The following MFAP1 variants were observed in gnomAD, a reference collection of about 807,000 sequenced individuals.
MFAP1 encodes microfibril associated protein 1.
Under a neutral mutation model 62.2 loss-of-function variants are expected in MFAP1, and 18 were observed. The ratio of observed to expected loss-of-function variants is 0.29; its 90% CI spans 0.20 to 0.43. The LOEUF is 0.43. Among genes scored for constraint, MFAP1 ranks in the 20% least tolerant of loss-of-function variants. The pLI, the probability that MFAP1 is intolerant of heterozygous loss-of-function variation, is 1.00. For missense variants in MFAP1, 355 were observed against 559.7 expected (o/e 0.63, Z 3.69); for synonymous variants, 175 against 180.4 (o/e 0.97, Z 0.24).
chr15:43,820,136 G>A lies in MFAP1; in HGVS notation c.80-2688C>T, dbSNP rs1468247042. Among the ~76,000 whole-genome samples the A allele has an allele frequency of 2.0e-5, 3 of 152,044 alleles. No individual in the cohort carries two copies. In the South Asian group the frequency reaches 6.2e-4, roughly 32 times the overall value. On this transcript the variant is annotated intron_variant, in intron 1 of 8. Coordinates refer to ENST00000267812, the MANE Select transcript of MFAP1 (RefSeq NM_005926.3). ...CACTCCAGCTTGGGCAAGAGAGCGA[G>A]ACTCCGTCTCAAAAAAACAAAAAAC... is the stretch of plus-strand genomic sequence containing the variant.
At position 43,811,415 on chromosome 15, in the gene MFAP1, C is replaced by CAA. The variant is rs573152892; in HGVS notation, c.888-1503_888-1502dup. Among the ~76,000 whole-genome samples the CAA allele has an allele frequency of 3.8e-3, 278 of 73,710 alleles. 1 individual carries two copies. Among genetic ancestry groups the CAA allele is most frequent in the Middle Eastern group, 0.016 (2 of 128 alleles). 48.4% of individuals were successfully genotyped at this position (73,710 alleles called of 152,430 possible). A position where few individuals can be genotyped will look rare whatever the true frequency, so the allele number is the denominator to read the frequency against. On this transcript the variant is annotated intron_variant, in intron 6 of 8. Transcript: ENST00000267812. ...TGGGCGACAGAGTGAGACTGTGTCT[C>CAA]AAAAAAAAAAAAAAAACCAAAAACA...
rs377106172 is a variant in MFAP1, at chr15:43,812,987, G to A, written c.887C>T (p.Ala296Val). 2.9e-5 allele frequency: 47 copies of A among 1,613,630 alleles called. No homozygotes were observed. The highest frequency in any genetic ancestry group is 6.7e-5 in the East Asian group (3 of 44,888). The change falls in exon 6 of 9, where the codon GCG becomes GTG. Residue 296 changes from alanine to valine, a missense_variant and splice_region_variant. Ala to Val is a moderately conservative substitution (Grantham distance 64, BLOSUM62 0). Coordinates refer to ENST00000267812, the MANE Select transcript of MFAP1 (RefSeq NM_005926.3). ...ACTCTAGGCTCATCTTTTTACTCAC[G>A]CTTCTCGATCTTCTCTGTCCCTCTT... is the stretch of plus-strand genomic sequence containing the variant. ...RIKRDREDREALEKEKAEIER... is the reference protein window; with the variant it reads ...RIKRDREDREVLEKEKAEIER...
At position 43,806,802 on chromosome 15, in the gene MFAP1, G is replaced by A. The variant is rs575620112; in HGVS notation, c.1048-1337C>T. On this transcript the variant is annotated intron_variant, in intron 7 of 8. Coordinates refer to ENST00000267812, the MANE Select transcript of MFAP1 (RefSeq NM_005926.3). The stretch of plus-strand genomic sequence containing the variant: ...CAGGAGAATCACTTGAACTCAGGAG[G>A]TGGAGGTTGCAGTGAGCTGAGATCG... Among the ~76,000 whole-genome samples the A allele has an allele frequency of 6.6e-5, 10 of 152,302 alleles. No individual in the cohort carries two copies. The South Asian group carries it at 2.1e-3, about 32-fold the overall frequency.
chr15:43,813,281 T>G lies in MFAP1; in HGVS notation c.694A>C (p.Met232Leu). ...QKELEQEAKR[M>L]AEERRKYTLK... is the part of the protein sequence containing the mutation. Reference sequence around the variant, plus strand: ...GTGTACTTGCGCCTTTCCTCAGCCATGCGTTTTGCTTCCTGCTCCAGCTCC... The same window carrying G: ...GTGTACTTGCGCCTTTCCTCAGCCAGGCGTTTTGCTTCCTGCTCCAGCTCC... Residue 232 changes from methionine (M) to leucine (L), a missense_variant, in exon 5 of 9, where the codon ATG (methionine) becomes CTG (leucine). Coordinates refer to ENST00000267812, the MANE Select transcript of MFAP1 (RefSeq NM_005926.3). 1.2e-6 allele frequency: 2 copies of G among 1,613,256 alleles called. No homozygotes were observed. The highest frequency in any genetic ancestry group is 1.7e-6 in the Non-Finnish European group (2 of 1,179,826).
intron 1 of MFAP1, among the ~76,000 whole-genome samples, chr15:43,823,377 C>G (rs924665339): frequency 1.3e-5 from 2 of 149,534 alleles, no homozygotes; most frequent in Non-Finnish European, 3.0e-5. Context: ...AATTGCAGAA[C>G]TTTCTTTTTT....
intron 6 of MFAP1, among the ~76,000 whole-genome samples, chr15:43,812,357 T>C (rs902916019): frequency 1.3e-5 from 2 of 152,208 alleles, no homozygotes; most frequent in Admixed American, 1.3e-4. Flanking sequence ...GTTGGCCTTG[T>C]GACTTGCTTT....
intron 7 of MFAP1, among the ~76,000 whole-genome samples, chr15:43,806,901 T>C (rs2087369643): frequency 6.6e-6 from 1 of 151,826 alleles, no homozygotes; most frequent in South Asian, 2.1e-4. Context: ...AATAAATGAA[T>C]ACAACTCCTC....
chr15:43,815,911 G>C (rs1474670659), intron 2 of MFAP1, among the ~76,000 whole-genome samples: 1 of 152,204 alleles, frequency 6.6e-6, no homozygotes, highest in Non-Finnish European at 1.5e-5. Flanking sequence ...TGGGATTACA[G>C]GCATGAGTCA....
At chr15:43,820,252 G>C (rs578019954) in intron 1 of MFAP1, among the ~76,000 whole-genome samples, 15 of 152,272 alleles carry the variant, frequency 9.9e-5, no homozygotes, top group Non-Finnish European at 1.9e-4. Flanking sequence ...CAGGGGCGGA[G>C]CTTGCAGTGA....
At chr15:43,805,945 CCTT>C (rs1567175315) in intron 7 of MFAP1, among the ~76,000 whole-genome samples, 1 of 148,076 alleles carries the variant, frequency 6.8e-6, no homozygotes, top group African/African-American at 2.5e-5. Context: ...TTGTATTTCT[CCTT>C]TTTTTTTTTT....
At chr15:43,812,919 C>G in intron 6 of MFAP1, 68 bp downstream of exon 6, 2 of 1,562,486 alleles carry the variant, frequency 1.3e-6, no homozygotes, top group Non-Finnish European at 1.7e-6. Flanking sequence ...GGTAATGAGT[C>G]TCAGAGCTAT....
intron 2 of MFAP1, 113 bp from the exon 3 acceptor site, chr15:43,815,187 T>C: frequency 2.2e-6 from 3 of 1,387,566 alleles, no homozygotes. Context: ...TACTGAAGTT[T>C]TTTTTTTTTT....
chr15:43,817,121 G>T (rs1041551805), intron 2 of MFAP1, 108 bp downstream of exon 2: 11 of 1,115,782 alleles, frequency 9.9e-6, no homozygotes, highest in African/African-American at 1.6e-5. Context: ...TGGATTACAA[G>T]AATTAGCAAA....
chr15:43,807,275 C>T (rs992853579), intron 7 of MFAP1, among the ~76,000 whole-genome samples: 3 of 150,892 alleles, frequency 2.0e-5, no homozygotes, highest in South Asian at 2.1e-4. Context: ...TGCTTGAACC[C>T]GGGAGGCGGA....
At chr15:43,815,807 T>A (rs1020312392) in intron 2 of MFAP1, among the ~76,000 whole-genome samples, 1 of 152,002 alleles carries the variant, frequency 6.6e-6, no homozygotes, top group Non-Finnish European at 1.5e-5. Flanking sequence ...CTAATTTTTT[T>A]ATTTTTAGTA....
At chr15:43,820,075 G>A (rs778790111) in intron 1 of MFAP1, among the ~76,000 whole-genome samples, 14 of 152,146 alleles carry the variant, frequency 9.2e-5, no homozygotes, top group Non-Finnish European at 1.8e-4. Context: ...GTGAACCCGG[G>A]ACACAGAGCT....
Position 43,817,361 on chromosome 15 carries a change from T to G in MFAP1, c.167A>C (p.Glu56Ala). Reference sequence around the variant, plus strand: ...CTTAATGAACTGAAATTCTTCATCCTCCTCATCTGAGGACTCCATAGGGGC... The same window carrying G: ...CTTAATGAACTGAAATTCTTCATCCGCCTCATCTGAGGACTCCATAGGGGC... Reference protein sequence around the residue: ...DYAPMESSDEEDEEFQFIKKA... With the variant: ...DYAPMESSDEADEEFQFIKKA... Residue 56 changes from glutamate (E) to alanine (A), a missense_variant, in exon 2 of 9, where the codon GAG (glutamate) becomes GCG (alanine). Physicochemically the swap from Glu to Ala is moderately radical, Grantham distance 107. Around this residue, in one of 6 missense-constraint regions of MFAP1, gnomAD observed 257 missense variants for 341.3 expected, o/e 0.75. Transcript: ENST00000267812. The G allele has an allele frequency of 6.2e-7, 1 of 1,614,132 alleles. No homozygotes were observed. Among genetic ancestry groups the G allele is most frequent in the Non-Finnish European group, 8.5e-7 (1 of 1,180,022 alleles).
At chr15:43,805,647 C>T (rs879767798) in intron 7 of MFAP1, among the ~76,000 whole-genome samples, 182 bp from the exon 8 acceptor site, 1 of 151,616 alleles carries the variant, frequency 6.6e-6, no homozygotes, top group Non-Finnish European at 1.5e-5. Flanking sequence ...GACTCTCGCT[C>T]TGTTGCCCAG....
At chr15:43,813,469 T>C (rs2087415662) in intron 4 of MFAP1, 112 bp from the exon 5 acceptor site, 2 of 1,045,610 alleles carry the variant, frequency 1.9e-6, no homozygotes, top group African/African-American at 1.7e-5. Context: ...TTTGGCTCTA[T>C]TATTTTCAAA....
Sources: gnomAD v4.1 joint callset for allele counts (sites outside exome capture counted in the v4.1 genomes callset) on GRCh38, gnomAD v4.1.1 for gene constraint, gnomAD v4.1.1 regional missense constraint, MANE v1.5 for transcripts, NCBI Gene and HGNC (gene_info 2026-07-23, HGNC 2026-07-21) for gene names.